The following AFG2A variants were observed in gnomAD, a reference collection of about 807,000 sequenced individuals.
The protein encoded by AFG2A is ATPase family gene 2 protein homolog A.
At chr4:123,085,744 GT>G in the AFG2A span, among the ~76,000 whole-genome samples, 5 of 151,902 alleles carry the variant, frequency 3.3e-5, no homozygotes, top group African/African-American at 1.2e-4. Context: ...ATTTGTTACT[GT>G]TTTCTATTAG....
the AFG2A span, chr4:123,256,162 C>A: frequency 6.2e-7 from 1 of 1,614,030 alleles, no homozygotes; most frequent in East Asian, 2.2e-5. Context: ...TTCAAACCGA[C>A]GCATACTCAG....
At chr4:123,154,582 G>A in the AFG2A span, among the ~76,000 whole-genome samples, 1 of 152,126 alleles carries the variant, frequency 6.6e-6, no homozygotes, top group Non-Finnish European at 1.5e-5. Context: ...TAAAAAAATA[G>A]AAACAGTTGA....
At chr4:123,142,797 A>T in the AFG2A span, among the ~76,000 whole-genome samples, 1 of 152,150 alleles carries the variant, frequency 6.6e-6, no homozygotes, top group African/African-American at 2.4e-5. Context: ...GTATACATGG[A>T]TCTTAAAATA....
the AFG2A span, among the ~76,000 whole-genome samples, chr4:123,017,900 A>C: frequency 6.6e-6 from 1 of 152,172 alleles, no homozygotes; most frequent in Non-Finnish European, 1.5e-5. Context: ...TGACTCATAG[A>C]TGTATAAAAA....
chr4:122,931,701 GCTT>G, the AFG2A span, among the ~76,000 whole-genome samples: 1 of 152,276 alleles, frequency 6.6e-6, no homozygotes, highest in East Asian at 1.9e-4. Flanking sequence ...CAGGCCTGGA[GCTT>G]CTTCACTACA....
chr4:122,931,943 A>G, the AFG2A span, among the ~76,000 whole-genome samples: 1 of 152,174 alleles, frequency 6.6e-6, no homozygotes, highest in Non-Finnish European at 1.5e-5. Context: ...ACAGGTATTG[A>G]GGATTGACTA....
At chr4:123,286,542 A>C in the AFG2A span, among the ~76,000 whole-genome samples, 1 of 152,222 alleles carries the variant, frequency 6.6e-6, no homozygotes, top group African/African-American at 2.4e-5. Context: ...TGCCAACTGC[A>C]AAGTTTTTTA....
At chr4:123,219,691 A>G in the AFG2A span, among the ~76,000 whole-genome samples, 7 of 152,184 alleles carry the variant, frequency 4.6e-5, no homozygotes, top group African/African-American at 1.2e-4. Flanking sequence ...TTAAGGAAAT[A>G]TATTTAATCT....
the AFG2A span, among the ~76,000 whole-genome samples, chr4:123,082,539 G>C: frequency 1.5e-5 from 1 of 65,074 alleles, no homozygotes; most frequent in East Asian, 4.1e-4. Context: ...TTTTTTTTTT[G>C]GTCACTACCA....
At chr4:122,960,341 A>G in the AFG2A span, among the ~76,000 whole-genome samples, 1 of 152,232 alleles carries the variant, frequency 6.6e-6, no homozygotes, top group Non-Finnish European at 1.5e-5. Flanking sequence ...ATTATGTAGC[A>G]GTGACATAAG....
chr4:122,925,106 CA>C, the AFG2A span, among the ~76,000 whole-genome samples: 1 of 152,034 alleles, frequency 6.6e-6, no homozygotes, highest in South Asian at 2.1e-4. Context: ...TTTCCCGCTG[CA>C]AAATTCAGAA....
chr4:123,303,095 A>G, the AFG2A span, among the ~76,000 whole-genome samples: 1 of 152,198 alleles, frequency 6.6e-6, no homozygotes, highest in Non-Finnish European at 1.5e-5. Flanking sequence ...ACCAACTGGT[A>G]TGTTATTTTT....
At chr4:123,159,130 A>C in the AFG2A span, among the ~76,000 whole-genome samples, 1 of 152,216 alleles carries the variant, frequency 6.6e-6, no homozygotes, top group South Asian at 2.1e-4. Context: ...TGCCAGGTAA[A>C]TCAGGCCTGA....
the AFG2A span, among the ~76,000 whole-genome samples, chr4:122,993,471 T>G: frequency 6.6e-6 from 1 of 152,138 alleles, no homozygotes; most frequent in Non-Finnish European, 1.5e-5. Context: ...TTCTTTAGTC[T>G]CAAATATTTA....
At chr4:122,994,705 C>G in the AFG2A span, among the ~76,000 whole-genome samples, 1 of 151,192 alleles carries the variant, frequency 6.6e-6, no homozygotes. Flanking sequence ...TTCTTGTGAA[C>G]GCAGTTTTGT....
the AFG2A span, among the ~76,000 whole-genome samples, chr4:122,996,068 A>C: frequency 2.0e-5 from 3 of 152,224 alleles, no homozygotes; most frequent in Non-Finnish European, 4.4e-5. Flanking sequence ...CTATCAGCCT[A>C]ACTGCCTATT....
At chr4:122,955,239 C>T in the AFG2A span, among the ~76,000 whole-genome samples, 1 of 152,140 alleles carries the variant, frequency 6.6e-6, no homozygotes, top group Non-Finnish European at 1.5e-5. Flanking sequence ...TTATTTGGCA[C>T]CCTCCGTGCA....
the AFG2A span, among the ~76,000 whole-genome samples, chr4:123,205,897 A>T: frequency 6.6e-6 from 1 of 152,204 alleles, no homozygotes; most frequent in African/African-American, 2.4e-5. Flanking sequence ...GTATTCAGGC[A>T]TCCCCTGCTT....
At chr4:123,083,924 A>G in the AFG2A span, among the ~76,000 whole-genome samples, 9 of 152,278 alleles carry the variant, frequency 5.9e-5, no homozygotes, top group South Asian at 4.1e-4. Flanking sequence ...TGAATTCACC[A>G]GGAAACGATC....
Sources: allele counts gnomAD v4.1 joint callset (sites outside exome capture counted in the v4.1 genomes callset), GRCh38; gene constraint gnomAD v4.1.1; transcripts MANE v1.5; gene names NCBI Gene and HGNC (gene_info 2026-07-23, HGNC 2026-07-21).